Variants in SGSM3 observed in about 807,000 individuals in gnomAD.
SGSM3 encodes the protein RUN and SH3 containing 3.
Under a neutral mutation model 100.5 loss-of-function variants are expected in SGSM3, and 96 were observed. That is an observed-to-expected ratio of 0.96 (90% CI 0.81 to 1.13). The LOEUF (loss-of-function observed/expected upper bound fraction) is 1.13, where lower values mean the gene tolerates loss of function less well. Ranked by LOEUF, SGSM3 falls within the 50% of genes most tolerant of loss-of-function variation. SGSM3 has a pLI of 0.00. For missense variants in SGSM3, 1,001 were observed against 1,015.8 expected (o/e 0.99, Z 0.20); for synonymous variants, 483 against 422.8 (o/e 1.14, Z -1.75).
intron 7 of SGSM3, 138 bp downstream of exon 7, chr22:40,405,422 G>T: frequency 2.1e-6 from 2 of 945,558 alleles, no homozygotes; most frequent in Non-Finnish European, 3.0e-6. Context: ...TCCCACTCCG[G>T]GGCGTCCCCA....
chr22:40,378,587 G>C (rs1441975610), intron 1 of SGSM3, among the ~76,000 whole-genome samples: 1 of 150,774 alleles, frequency 6.6e-6, no homozygotes, highest in Admixed American at 6.6e-5. Context: ...CAAAAAATTA[G>C]CCGGGTGTGG....
At chr22:40,390,631 T>G (rs902737297) in intron 1 of SGSM3, among the ~76,000 whole-genome samples, 1 of 152,178 alleles carries the variant, frequency 6.6e-6, no homozygotes, top group African/African-American at 2.4e-5. Context: ...TTCTGTTTAT[T>G]TGAGTCCCTG....
At position 40,409,024 on chromosome 22, in the gene SGSM3, T is replaced by C. The variant is rs1788226552; in HGVS notation, c.1988+6T>C. ...CTGATCTGCGTGGGGCTCAAGTGAG[T>C]GTGGAAAAGGGGTTGGAGGAGAGCC... is the stretch of plus-strand genomic sequence containing the variant. On this transcript the variant is annotated splice_donor_region_variant and intron_variant, in intron 19 of 21. Coordinates refer to ENST00000248929, the MANE Select transcript of SGSM3 (RefSeq NM_015705.6). 1.3e-5 allele frequency: 21 copies of C among 1,559,562 alleles called. No individual in the cohort carries two copies. Among genetic ancestry groups the C allele is most frequent in the Non-Finnish European group, 1.7e-5 (20 of 1,151,890 alleles).
At position 40,409,950 on chromosome 22, in the gene SGSM3, C is replaced by CCTTAGGGATG; in HGVS notation, c.*194_*203dup. ...AGAGGGTACCCTGCCCCACCAGGGT[C>CCTTAGGGATG]CTTAGGGATGCTCTAGGCCAAACCA... On this transcript the variant is annotated 3_prime_UTR_variant, in exon 22 of 22. Coordinates refer to ENST00000248929, the MANE Select transcript of SGSM3 (RefSeq NM_015705.6). 1 of 1,395,982 alleles carries CCTTAGGGATG rather than the reference C, an allele frequency of 7.2e-7. No individual in the cohort carries two copies. The highest frequency in any genetic ancestry group is 9.2e-7 in the Non-Finnish European group (1 of 1,081,786). 86.5% of individuals were successfully genotyped at this position (1,395,982 alleles called of 1,614,324 possible).
At chr22:40,404,485 T>C (rs374271690) in intron 5 of SGSM3, 30 bp downstream of exon 5, 465 of 1,609,832 alleles carry the variant, frequency 2.9e-4, no homozygotes, top group South Asian at 8.9e-4. Context: ...CCACAGGGTG[T>C]TGAGAGGGTC....
intron 1 of SGSM3, among the ~76,000 whole-genome samples, chr22:40,374,259 C>A (rs542939414): frequency 1.3e-5 from 2 of 152,030 alleles, no homozygotes; most frequent in Non-Finnish European, 2.9e-5. Flanking sequence ...GCCAATAGGG[C>A]GGTTTTTATA....
chr22:40,390,875 G>A (rs1384452470), intron 1 of SGSM3, among the ~76,000 whole-genome samples: 1 of 152,174 alleles, frequency 6.6e-6, no homozygotes, highest in Non-Finnish European at 1.5e-5. Flanking sequence ...AGAGCGTGTT[G>A]TACATCGGGA....
chr22:40,378,637 C>A (rs2146777261), intron 1 of SGSM3, among the ~76,000 whole-genome samples: 1 of 150,912 alleles, frequency 6.6e-6, no homozygotes, highest in East Asian at 2.0e-4. Flanking sequence ...GAAGCTGAGG[C>A]AGAAGAGGAA....
intron 4 of SGSM3, among the ~76,000 whole-genome samples, chr22:40,403,680 G>A (rs748493828): frequency 2.0e-5 from 3 of 152,196 alleles, no homozygotes; most frequent in Non-Finnish European, 4.4e-5. Flanking sequence ...CTGAGGGAGC[G>A]CTGGAAAGCC....
chr22:40,389,667 G>T (rs1339853838), intron 1 of SGSM3, among the ~76,000 whole-genome samples: 1 of 150,790 alleles, frequency 6.6e-6, no homozygotes, highest in Non-Finnish European at 1.5e-5. Flanking sequence ...CAGCACTTTG[G>T]GAGGCCGAGG....
At position 40,402,517 on chromosome 22, in the gene SGSM3, A is replaced by T. The variant is rs181055233; in HGVS notation, c.157+312A>T. Among the ~76,000 whole-genome samples the T allele has an allele frequency of 4.9e-3, 753 of 152,288 alleles. 8 individuals carry two copies. Among genetic ancestry groups the T allele is most frequent in the Non-Finnish European group, 7.6e-3 (520 of 68,026 alleles). ...CACTTTGGGAGGCTGAGGTGGATGG[A>T]TCACTTGAGGCCAAGAGTTCAAGAC... is the stretch of plus-strand genomic sequence containing the variant. On this transcript the variant is annotated intron_variant, in intron 4 of 21. Transcript: ENST00000248929.
intron 1 of SGSM3, among the ~76,000 whole-genome samples, chr22:40,400,383 C>T (rs1285288416): frequency 1.3e-5 from 2 of 152,204 alleles, no homozygotes; most frequent in Admixed American, 6.5e-5. Context: ...GTGGCTCATG[C>T]TTGTAATCCC....
intron 2 of SGSM3, 38 bp from the exon 3 acceptor site, chr22:40,401,555 A>G: frequency 1.3e-6 from 2 of 1,565,300 alleles, no homozygotes; most frequent in East Asian, 2.3e-5. Context: ...CTGCCTCTGC[A>G]TTTTCTTGAT....
rs746190246 is a variant in SGSM3, at chr22:40,410,110, C to CACCT, written c.*356_*359dup. The CACCT allele has an allele frequency of 1.5e-5, 17 of 1,159,646 alleles. No homozygotes were observed. Among genetic ancestry groups the CACCT allele is most frequent in the East Asian group, 9.0e-5 (2 of 22,280 alleles). The allele number at this position is 1,159,646 out of a possible 1,614,324, so 71.8% of individuals were successfully genotyped here. On this transcript the variant is annotated 3_prime_UTR_variant, in exon 22 of 22. Coordinates refer to ENST00000248929, the MANE Select transcript of SGSM3 (RefSeq NM_015705.6). ...TAAACTGTGTCTGTCTTTGAGAAAG[C>CACCT]ACCTACCTGTCTTCTGTGCAGCTAG... is the stretch of plus-strand genomic sequence containing the variant.
chr22:40,404,488 A>AG, intron 5 of SGSM3, 33 bp downstream of exon 5: 1 of 1,609,970 alleles, frequency 6.2e-7, no homozygotes, highest in Non-Finnish European at 8.5e-7. Flanking sequence ...CAGGGTGTTG[A>AG]GAGGGTCCTG....
intron 1 of SGSM3, among the ~76,000 whole-genome samples, chr22:40,393,654 T>C (rs2049662490): frequency 6.6e-6 from 1 of 152,242 alleles, no homozygotes. Context: ...TTTGTGCTGC[T>C]GTAACAGAAT....
At chr22:40,402,506 G>C (rs2050886070) in intron 4 of SGSM3, among the ~76,000 whole-genome samples, 1 of 152,224 alleles carries the variant, frequency 6.6e-6, no homozygotes. Context: ...TTGGGAGGCT[G>C]AGGTGGATGG....
At chr22:40,404,501 C>T (rs1602060570) in intron 5 of SGSM3, 46 bp downstream of exon 5, 1 of 1,609,716 alleles carries the variant, frequency 6.2e-7, no homozygotes, top group Non-Finnish European at 8.5e-7. Flanking sequence ...GGGTCCTGGC[C>T]CCATGATCAG....
At chr22:40,406,741 G>A in intron 10 of SGSM3, 79 bp downstream of exon 10, 1 of 1,269,152 alleles carries the variant, frequency 7.9e-7, no homozygotes. Flanking sequence ...GAGCGCGGGG[G>A]CTGCGGAAAA....
Sources: allele counts gnomAD v4.1 joint callset (sites outside exome capture counted in the v4.1 genomes callset), GRCh38; gene constraint gnomAD v4.1.1; transcripts MANE v1.5; gene names NCBI Gene and HGNC (gene_info 2026-07-23, HGNC 2026-07-21).